Variants in FAP observed in about 807,000 individuals in gnomAD.
FAP encodes prolyl endopeptidase FAP.
In FAP, 110 loss-of-function variants were observed where a neutral mutation model predicts 126.5. The ratio of observed to expected loss-of-function variants is 0.87; its 90% confidence interval spans 0.74 to 1.02. FAP has a LOEUF of 1.02. Ranked by LOEUF, FAP falls within the 50% of genes least tolerant of loss-of-function variation. The pLI is 0.00. For synonymous variants in FAP, 334 were observed against 297.3 expected, an observed-to-expected ratio of 1.12 and a Z score of -1.27; for missense variants, 919 against 909.2, an observed-to-expected ratio of 1.01 and a Z score of -0.14.
At position 162,219,841 on chromosome 2, in the gene FAP, T is replaced by G. The variant is rs1263229338; in HGVS notation, c.486+12A>C. The G allele has an allele frequency of 1.3e-6, 2 of 1,589,178 alleles. No homozygotes were observed. Among genetic ancestry groups the G allele is most frequent in the Non-Finnish European group, 1.7e-6 (2 of 1,159,214 alleles). On this transcript the variant is annotated intron_variant, in intron 7 of 25. Coordinates refer to ENST00000188790, the MANE Select transcript of FAP (RefSeq NM_004460.5). ...TTACATGATTAAACACTTCAAAAAT[T>G]TAAACACTTACTAATTTACTCCCAA...
chr2:162,171,972 C>T (rs1413776290), intron 25 of FAP: 1 of 152,050 alleles, frequency 6.6e-6, no homozygotes, highest in African/African-American at 2.4e-5. Flanking sequence ...TTATCATTGA[C>T]CATAATTTCC....
chr2:162,236,350 T>C (rs1690128803), intron 2 of FAP, among the ~76,000 whole-genome samples: 1 of 152,206 alleles, frequency 6.6e-6, no homozygotes, highest in African/African-American at 2.4e-5. Context: ...CTTTCATTTT[T>C]TGAAAACGTT....
chr2:162,218,174 T>G, intron 8 of FAP, 34 bp from the exon 9 acceptor site: 1 of 1,373,738 alleles, frequency 7.3e-7, no homozygotes, highest in Non-Finnish European at 1.0e-6. Flanking sequence ...TAACTATAAT[T>G]ACATCTTACT....
At position 162,215,813 on chromosome 2, in the gene FAP, CTTAT is replaced by C. The variant is rs1214741215; in HGVS notation, c.866+81_866+84del. The C allele has an allele frequency of 4.5e-6, 4 of 891,750 alleles. 1 individual carries two copies. The highest frequency in any genetic ancestry group is 7.3e-6 in the Non-Finnish European group (4 of 550,452). The allele number at this position is 891,750 out of a possible 1,614,324, so 55.2% of individuals were successfully genotyped here. The stretch of plus-strand genomic sequence containing the variant: ...TAGCTTTGTGTGCAACTCTTATCTA[CTTAT>C]TTGTTTTTGCTTCTAGCATGCACAG... On this transcript the variant is annotated intron_variant, in intron 10 of 25. Coordinates refer to ENST00000188790, the MANE Select transcript of FAP (RefSeq NM_004460.5).
Position 162,215,963 on chromosome 2 carries a change from G to T in FAP, c.801C>A (p.Ile267=). 1 of 1,613,990 alleles carries T rather than the reference G, an allele frequency of 6.2e-7. No individual in the cohort carries two copies. ...AKNPVVRIFI[I]DTTYPAYVGP... ...CTACATACGCAGGGTAAGTGGTATC[G>T]ATAATAAATATCCGAACAACGGGAT... The change falls in exon 10 of 26, where the codon ATC becomes ATA. Residue 267 remains isoleucine, a synonymous_variant. Transcript: ENST00000188790.
intron 12 of FAP, among the ~76,000 whole-genome samples, chr2:162,209,201 G>A (rs1688828823): frequency 6.6e-6 from 1 of 151,926 alleles, no homozygotes; most frequent in Admixed American, 6.6e-5. Flanking sequence ...ATTGCATAAT[G>A]CGTCCAAATC....
chr2:162,171,034 T>TG lies in FAP; in HGVS notation c.2227dup (p.His743ProfsTer31), dbSNP rs1263797513. Reference sequence around the variant, plus strand: ...GAAGTGGGTCATGTGGGTGTATAAGTGGTTCGTGGACAGGCCGGATAAGCC... The same window carrying TG: ...GAAGTGGGTCATGTGGGTGTATAAGTGGGTTCGTGGACAGGCCGGATAAGCC... On this transcript the variant is annotated frameshift_variant, in exon 26 of 26. Transcript: ENST00000188790. LOFTEE classifies it high-confidence loss of function. 12 of 1,613,278 alleles carry TG rather than the reference T, an allele frequency of 7.4e-6. No homozygotes were observed. Among genetic ancestry groups the TG allele is most frequent in the Non-Finnish European group, 9.3e-6 (11 of 1,179,426 alleles).
intron 14 of FAP, among the ~76,000 whole-genome samples, chr2:162,201,025 G>A (rs147511318): frequency 1.3e-5 from 2 of 152,218 alleles, no homozygotes; most frequent in East Asian, 3.9e-4. Flanking sequence ...GTCAATAGAT[G>A]GGTTTGCTAC....
intron 21 of FAP, among the ~76,000 whole-genome samples, chr2:162,178,682 T>C (rs1687575282): frequency 6.6e-6 from 1 of 152,188 alleles, no homozygotes; most frequent in Non-Finnish European, 1.5e-5. Flanking sequence ...AAGGGTTTAT[T>C]CCCCATTTCT....
rs778417972 is a variant in FAP, at chr2:162,172,824, T to G, written c.2168A>C (p.Asp723Ala). 12 of 1,612,256 alleles carry G rather than the reference T, an allele frequency of 7.4e-6. No individual in the cohort carries two copies. In the South Asian group the frequency reaches 1.3e-4, roughly 18 times the overall value. Reference sequence around the variant, plus strand: ...AAAATTATGTACCATTGCCTGGAAATCCACTTGTGCATTAACCAGAGCTTT... The same window carrying G: ...AAAATTATGTACCATTGCCTGGAAAGCCACTTGTGCATTAACCAGAGCTTT... ...IAKALVNAQV[D>A]FQAMWYSDQN... Residue 723 changes from aspartate (D) to alanine (A), a missense_variant, in exon 25 of 26, where the codon GAT becomes GCT. Physicochemically the swap from Asp to Ala is moderately radical, Grantham distance 126 (BLOSUM62 -2). Transcript: ENST00000188790.
At chr2:162,222,628 G>A (rs1003562967) in intron 6 of FAP, among the ~76,000 whole-genome samples, 1 of 152,034 alleles carries the variant, frequency 6.6e-6, no homozygotes, top group African/African-American at 2.4e-5. Context: ...ATATTAAGAT[G>A]AGTAGCTAAG....
intron 16 of FAP, chr2:162,198,333 G>A (rs1185517193): frequency 7.8e-7 from 1 of 1,285,994 alleles, no homozygotes; most frequent in Non-Finnish European, 1.0e-6. Context: ...TCTGGGCAAA[G>A]GGGGCCAAAA....
intron 18 of FAP, 89 bp downstream of exon 18, chr2:162,189,567 G>A: frequency 1.5e-6 from 1 of 687,616 alleles, no homozygotes; most frequent in Middle Eastern, 3.0e-4. Context: ...CGCAGAATTT[G>A]CACTGTAACA....
intron 21 of FAP, among the ~76,000 whole-genome samples, chr2:162,179,254 T>G (rs972770062): frequency 2.0e-5 from 3 of 151,778 alleles, no homozygotes; most frequent in South Asian, 4.2e-4. Context: ...GGTTTTTTTT[T>G]TTTTTTTTTT....
intron 21 of FAP, chr2:162,176,677 T>C (rs893952109): frequency 2.0e-5 from 3 of 152,112 alleles, no homozygotes; most frequent in East Asian, 1.9e-4. Context: ...AAAAAATTAT[T>C]ATCATTTATG....
intron 21 of FAP, among the ~76,000 whole-genome samples, chr2:162,182,955 T>C (rs1245416366): frequency 6.6e-6 from 1 of 152,074 alleles, no homozygotes. Flanking sequence ...GATTGCCAAA[T>C]AAAAAGAAAC....
chr2:162,207,552 C>A (rs1688752548), intron 12 of FAP, among the ~76,000 whole-genome samples: 2 of 152,116 alleles, frequency 1.3e-5, no homozygotes, highest in South Asian at 4.1e-4. Context: ...CTCATCTTCT[C>A]CCAAAGGAGA....
At chr2:162,182,277 A>G (rs1409853486) in intron 21 of FAP, among the ~76,000 whole-genome samples, 1 of 152,234 alleles carries the variant, frequency 6.6e-6, no homozygotes, top group Non-Finnish European at 1.5e-5. Context: ...CAACTCTAAG[A>G]GAAATGTTAA....
At chr2:162,198,228 G>T in intron 16 of FAP, 2 of 1,289,740 alleles carry the variant, frequency 1.6e-6, no homozygotes, top group Non-Finnish European at 2.0e-6. Context: ...TATCCCCATT[G>T]AAACTACAGT....
Sources: gnomAD v4.1 joint callset for allele counts (sites outside exome capture counted in the v4.1 genomes callset) on GRCh38, gnomAD v4.1.1 for gene constraint, MANE v1.5 for transcripts, NCBI Gene and HGNC (gene_info 2026-07-23, HGNC 2026-07-21) for gene names.